Variants in RAB39A observed in about 807,000 individuals in gnomAD.
RAB39A encodes the protein ras-related protein Rab-39A.
In RAB39A, 17 loss-of-function variants were observed where a neutral mutation model predicts 20.9. That is an observed-to-expected ratio of 0.81 (90% CI 0.56 to 1.22). The LOEUF (loss-of-function observed/expected upper bound fraction) is 1.22. Among genes scored for constraint, RAB39A ranks in the 50% most tolerant of loss-of-function variants. RAB39A has a pLI of 0.00. For synonymous variants in RAB39A, 99 were observed against 103.4 expected (o/e 0.96, Z 0.26); for missense variants, 234 against 270.5 (o/e 0.87, Z 0.95).
Position 107,962,322 on chromosome 11 carries a change from G to C in RAB39A, c.604G>C (p.Val202Leu). The change falls in exon 2 of 2, where the codon GTG (valine) becomes CTG (leucine). Residue 202 changes from valine to leucine, a missense_variant. Transcript: ENST00000320578. ...GVKSGFVPNTVHSSEEAVKPR... is the reference protein window; with the variant it reads ...GVKSGFVPNTLHSSEEAVKPR... ...TAAAAGTGGTTTTGTTCCAAATACT[G>C]TGCATTCTTCTGAGGAAGCAGTAAA... is the stretch of plus-strand genomic sequence containing the variant. 2 of 1,612,866 alleles carry C rather than the reference G, an allele frequency of 1.2e-6. No individual in the cohort carries two copies. The highest frequency in any genetic ancestry group is 1.7e-6 in the Non-Finnish European group (2 of 1,179,172).
chr11:107,934,873 G>A lies in RAB39A; in HGVS notation c.227+6078G>A, dbSNP rs577465671. 5.4e-5 allele frequency among the ~76,000 whole-genome samples: 8 copies of A among 147,724 alleles called. No individual in the cohort carries two copies. In the East Asian group the frequency reaches 1.6e-3, roughly 30 times the overall value. On this transcript the variant is annotated intron_variant, in intron 1 of 1. Transcript: ENST00000320578. ...GAACCCAGGAAGCGGAGGTTGCGGT[G>A]AGCCGAGATTACACCATTTCACTCC...
At chr11:107,942,798 T>A (rs887255593) in intron 1 of RAB39A, among the ~76,000 whole-genome samples, 5 of 152,174 alleles carry the variant, frequency 3.3e-5, no homozygotes, top group African/African-American at 4.8e-5. Flanking sequence ...ATGGGGTGTG[T>A]GTGTGTGTGT....
intron 1 of RAB39A, among the ~76,000 whole-genome samples, chr11:107,952,625 T>G (rs1433670496): frequency 6.6e-6 from 1 of 152,032 alleles, no homozygotes; most frequent in Non-Finnish European, 1.5e-5. Flanking sequence ...CTCACACCTG[T>G]AATCCCAGCA....
chr11:107,946,142 T>TGTTTTTTTAGTAGAGATGG (rs1861304829), intron 1 of RAB39A, among the ~76,000 whole-genome samples: 1 of 149,368 alleles, frequency 6.7e-6, no homozygotes, highest in Non-Finnish European at 1.5e-5. Context: ...ATTTGTCATG[T>TGTTTTTTTAGTAGAGATGG]GAAACCTAGG....
intron 1 of RAB39A, among the ~76,000 whole-genome samples, chr11:107,932,387 C>T (rs534476836): frequency 2.8e-4 from 43 of 152,298 alleles, no homozygotes; most frequent in African/African-American, 9.1e-4. Flanking sequence ...TGGAGTGGTT[C>T]TGCACCAGAC....
In RAB39A at chr11:107,961,945, G is replaced by T; in HGVS notation, c.228-1G>T. ...CAACCTTTTTTCTCTTCATTTTTCA[G>T]ATCAATAACCCGATCTTATTACCGC... On this transcript the variant is annotated splice_acceptor_variant, in intron 1 of 1. Coordinates refer to ENST00000320578, the MANE Select transcript of RAB39A (RefSeq NM_017516.3). LOFTEE classifies it high-confidence loss of function. 1 of 1,599,022 alleles carries T rather than the reference G, an allele frequency of 6.3e-7. No individual in the cohort carries two copies. The highest frequency in any genetic ancestry group is 8.5e-7 in the Non-Finnish European group (1 of 1,171,182).
chr11:107,942,759 G>A (rs1226841442), intron 1 of RAB39A, among the ~76,000 whole-genome samples: 2 of 152,252 alleles, frequency 1.3e-5, no homozygotes, highest in East Asian at 3.9e-4. Flanking sequence ...CTCTTGTCAT[G>A]GTTGAAACAA....
chr11:107,930,310 G>A (rs980301185), intron 1 of RAB39A, among the ~76,000 whole-genome samples: 52 of 151,996 alleles, frequency 3.4e-4, no homozygotes, highest in Non-Finnish European at 4.3e-4. Flanking sequence ...GAAAGTCGTC[G>A]TGATCTCTAA....
At chr11:107,929,339 G>A (rs554871294) in intron 1 of RAB39A, among the ~76,000 whole-genome samples, 15 of 152,324 alleles carry the variant, frequency 9.8e-5, no homozygotes, top group Non-Finnish European at 2.2e-4. Context: ...AGCTCACTGG[G>A]CATGGTTCAC....
At chr11:107,938,457 C>T (rs1434755020) in intron 1 of RAB39A, among the ~76,000 whole-genome samples, 1 of 147,660 alleles carries the variant, frequency 6.8e-6, no homozygotes, top group African/African-American at 2.5e-5. Flanking sequence ...TTTTTAGGCA[C>T]AGTGGCTCAT....
intron 1 of RAB39A, among the ~76,000 whole-genome samples, chr11:107,935,375 C>G (rs977340018): frequency 2.0e-5 from 3 of 151,062 alleles, no homozygotes; most frequent in Admixed American, 1.3e-4. Flanking sequence ...TTTCTTTCTT[C>G]TTCTTTTTTT....
chr11:107,945,202 G>A (rs534386371), intron 1 of RAB39A, among the ~76,000 whole-genome samples: 45 of 149,270 alleles, frequency 3.0e-4, no homozygotes, highest in African/African-American at 1.1e-3. Context: ...AAAAGAAGCC[G>A]CCAGCCATGG....
At chr11:107,944,629 C>T (rs534427130) in intron 1 of RAB39A, among the ~76,000 whole-genome samples, 94 of 152,184 alleles carry the variant, frequency 6.2e-4, no homozygotes, top group Admixed American at 3.1e-3. Flanking sequence ...TTGTGATCTG[C>T]CCGCCTCAGC....
chr11:107,961,337 G>A (rs1861493444), intron 1 of RAB39A, among the ~76,000 whole-genome samples: 1 of 152,002 alleles, frequency 6.6e-6, no homozygotes, highest in South Asian at 2.1e-4. Context: ...TGCTCTCTGG[G>A]GTATCTTTTT....
chr11:107,928,849 G>T lies in RAB39A; in HGVS notation c.227+54G>T. Reference sequence around the variant, plus strand: ...CGCCGCCCCCTCAGCCCGCCCGGACGCCCCTTCCCCAGGCGTCCGCCCCGC... The same window carrying T: ...CGCCGCCCCCTCAGCCCGCCCGGACTCCCCTTCCCCAGGCGTCCGCCCCGC... On this transcript the variant is annotated intron_variant, in intron 1 of 1. Coordinates refer to ENST00000320578, the MANE Select transcript of RAB39A (RefSeq NM_017516.3). This position sits in a 1 kb window ranked among gnomAD's most constrained non-coding sequence, Gnocchi z 4.9. 14 of 1,404,984 alleles carry T rather than the reference G, an allele frequency of 1.0e-5. No homozygotes were observed. Among genetic ancestry groups the T allele is most frequent in the Non-Finnish European group, 1.3e-5 (14 of 1,049,756 alleles). 87.0% of individuals were successfully genotyped at this position (1,404,984 alleles called of 1,614,324 possible).
At chr11:107,936,614 G>A (rs569999091) in intron 1 of RAB39A, among the ~76,000 whole-genome samples, 5 of 152,062 alleles carry the variant, frequency 3.3e-5, no homozygotes, top group African/African-American at 1.2e-4. Context: ...GTTATTTTTG[G>A]TTTTGTTTCT....
rs770139140 is a variant in RAB39A at position 107,962,074 on chromosome 11, G to A, written c.356G>A (p.Arg119Gln). The A allele has an allele frequency of 8.1e-6, 13 of 1,614,038 alleles. No homozygotes were observed. The highest frequency in any genetic ancestry group is 1.7e-4 in the Middle Eastern group (1 of 6,060). ...EEAKMYVQPF[R>Q]IVFLLVGHKC... ...GCAAAAATGTATGTACAGCCATTTC[G>A]GATTGTATTTCTGCTAGTGGGACAT... The change falls in exon 2 of 2, where the codon CGG (arginine) becomes CAG (glutamine). Residue 119 changes from arginine to glutamine, a missense_variant. By Grantham distance (43) the Arg-to-Gln change is conservative. Coordinates refer to ENST00000320578, the MANE Select transcript of RAB39A (RefSeq NM_017516.3).
Position 107,962,541 on chromosome 11 carries a change from T to C in RAB39A, c.*169T>C, listed in dbSNP as rs1035613689. 82 of 592,156 alleles carry C rather than the reference T, an allele frequency of 1.4e-4. No homozygotes were observed. The highest frequency in any genetic ancestry group is 4.3e-4 in the Middle Eastern group (1 of 2,328). 36.7% of individuals were successfully genotyped at this position (592,156 alleles called of 1,614,324 possible). ...AGAGCATGATGCTTACTTGTTACACTACTAGATTGGGTATTTTGCTAAATT... is the reference window on the plus strand; with the variant it reads ...AGAGCATGATGCTTACTTGTTACACCACTAGATTGGGTATTTTGCTAAATT... On this transcript the variant is annotated 3_prime_UTR_variant, in exon 2 of 2. Transcript: ENST00000320578.
rs367550577 is a variant in RAB39A at position 107,933,819 on chromosome 11, C to G, written c.227+5024C>G. 2.1e-3 allele frequency among the ~76,000 whole-genome samples: 326 copies of G among 151,746 alleles called. 2 individuals carry two copies. Among genetic ancestry groups the G allele is most frequent in the African/African-American group, 7.0e-3 (290 of 41,358 alleles). On this transcript the variant is annotated intron_variant, in intron 1 of 1. Coordinates refer to ENST00000320578, the MANE Select transcript of RAB39A (RefSeq NM_017516.3). ...GGGATTACAGGCGCCCCAAGCTCAA[C>G]TAATTTTTGTACTTTTAGTAGAGAC... is the stretch of plus-strand genomic sequence containing the variant.
Sources: gnomAD v4.1 joint callset for allele counts (sites outside exome capture counted in the v4.1 genomes callset) on GRCh38, gnomAD v4.1.1 for gene constraint, Gnocchi (gnomAD v3.1) non-coding constraint, MANE v1.5 for transcripts, NCBI Gene and HGNC (gene_info 2026-07-23, HGNC 2026-07-21) for gene names.